VSIG10: variants seen among roughly 807,000 people sequenced by gnomAD.
VSIG10 encodes V-set and immunoglobulin domain-containing protein 10.
In VSIG10, 48 loss-of-function variants were observed where a neutral mutation model predicts 58.7. The ratio of observed to expected loss-of-function variants is 0.82; its 90% CI spans 0.65 to 1.04. The LOEUF (loss-of-function observed/expected upper bound fraction) is 1.04, where lower values mean the gene tolerates loss of function less well. Among genes scored for constraint, VSIG10 ranks in the 50% least tolerant of loss-of-function variants. The pLI, the probability that VSIG10 is intolerant of heterozygous loss-of-function variation, is 0.00. For synonymous variants in VSIG10, 260 were observed against 267.1 expected (o/e 0.97, Z 0.26); for missense variants, 628 against 670.0 (o/e 0.94, Z 0.69).
At chr12:118,096,424 C>T (rs1430662853) in intron 1 of VSIG10, among the ~76,000 whole-genome samples, 17 of 151,286 alleles carry the variant, frequency 1.1e-4, no homozygotes, top group Admixed American at 1.1e-3. Context: ...ACTAAAAATA[C>T]AAAATCAGCT....
At position 118,077,921 on chromosome 12, in the gene VSIG10, CCT is replaced by C. The variant is rs553131517; in HGVS notation, c.925+1423_925+1424del. Reference sequence around the variant, plus strand: ...AAACCATCCCCAATGCCCACTGTGCCCTCTCTGAATTCCTGACCCACAGAAAT... The same window carrying C: ...AAACCATCCCCAATGCCCACTGTGCCCTCTGAATTCCTGACCCACAGAAAT... On this transcript the variant is annotated intron_variant, in intron 4 of 8. Transcript: ENST00000359236. Among the ~76,000 whole-genome samples the C allele has an allele frequency of 1.2e-3, 186 of 152,206 alleles. 1 individual carries two copies. In the Middle Eastern group the frequency reaches 0.014, roughly 11 times the overall value.
At chr12:118,070,908 G>T in intron 7 of VSIG10, 144 bp downstream of exon 7, 2 of 972,854 alleles carry the variant, frequency 2.1e-6, no homozygotes, top group Non-Finnish European at 3.2e-6. Context: ...AAGAATACCT[G>T]ATGAAATCCC....
chr12:118,082,036 A>AAT, intron 3 of VSIG10, 91 bp downstream of exon 3: 6 of 1,301,976 alleles, frequency 4.6e-6, no homozygotes, highest in East Asian at 2.6e-5. Flanking sequence ...AAAAAAAAAA[A>AAT]AAGACAAATG....
chr12:118,095,893 T>C (rs1007485436), intron 1 of VSIG10, 79 bp from the exon 2 acceptor site: 13 of 1,435,440 alleles, frequency 9.1e-6, no homozygotes, highest in Non-Finnish European at 1.2e-5. Flanking sequence ...ACTCCTGTAT[T>C]AGGATTTTTT....
At position 118,068,023 on chromosome 12, in the gene VSIG10, C is replaced by CTTTTTTTT. The variant is rs371999216; in HGVS notation, c.1567+346_1567+353dup. Among the ~76,000 whole-genome samples, 4 of 85,500 alleles carry CTTTTTTTT rather than the reference C, an allele frequency of 4.7e-5. 1 individual carries two copies. The highest frequency in any genetic ancestry group is 1.5e-4 in the African/African-American group (3 of 20,104). The allele number at this position is 85,500 out of a possible 152,430, so 56.1% of individuals were successfully genotyped here. ...CCGCAGCAGTTCAGAGGTTTGTGGG[C>CTTTTTTTT]TTTTTTTTTTTTTTTTTTTTTTCTG... is the stretch of plus-strand genomic sequence containing the variant. On this transcript the variant is annotated intron_variant, in intron 8 of 8. Transcript: ENST00000359236.
Position 118,082,354 on chromosome 12 carries a change from C to T in VSIG10, c.437G>A (p.Gly146Asp). 1 of 1,613,940 alleles carries T rather than the reference C, an allele frequency of 6.2e-7. No individual in the cohort carries two copies. Among genetic ancestry groups the T allele is most frequent in the Non-Finnish European group, 8.5e-7 (1 of 1,179,890 alleles). Residue 146 changes from glycine to aspartate, a missense_variant, in exon 3 of 9, where the codon GGC becomes GAC. Transcript: ENST00000359236. Reference protein sequence around the residue: ...LPNGTLYAARGSQVDFSCNSS... With the variant: ...LPNGTLYAARDSQVDFSCNSS... The stretch of plus-strand genomic sequence containing the variant: ...GTTGCAGCTGAAGTCCACCTGGGAG[C>T]CCCTGGCTGCGTAGAGGGTGCCGTT...
chr12:118,086,670 G>C (rs920726272), intron 2 of VSIG10, among the ~76,000 whole-genome samples: 6 of 152,134 alleles, frequency 3.9e-5, no homozygotes, highest in African/African-American at 1.4e-4. Context: ...TGACACGGGA[G>C]GATCGCTTGA....
At position 118,071,402 on chromosome 12, in the gene VSIG10, G is replaced by A; in HGVS notation, c.1287C>T (p.Ile429=). The change falls in exon 6 of 9, where the codon ATC becomes ATT. Residue 429 remains isoleucine, a synonymous_variant. Coordinates refer to ENST00000359236, the MANE Select transcript of VSIG10 (RefSeq NM_019086.6). ...VSLLLLGLAI[I]SGLLLHYSPV... is the part of the protein sequence containing the mutation. ...GGCTATAATGCAACAGAAGCCCTGA[G>A]ATAATGGCCAGTCCCAGCAGAAGGA... 2 of 1,613,910 alleles carry A rather than the reference G, an allele frequency of 1.2e-6. No individual in the cohort carries two copies. Among genetic ancestry groups the A allele is most frequent in the Non-Finnish European group, 1.7e-6 (2 of 1,179,872 alleles).
intron 7 of VSIG10, among the ~76,000 whole-genome samples, chr12:118,070,411 G>A (rs965790236): frequency 3.3e-5 from 5 of 152,020 alleles, no homozygotes; most frequent in African/African-American, 1.2e-4. Flanking sequence ...AGCCAGGCTT[G>A]ATGGTGCGCA....
intron 3 of VSIG10, among the ~76,000 whole-genome samples, chr12:118,080,506 G>A (rs1472058071): frequency 6.6e-6 from 1 of 151,994 alleles, no homozygotes; most frequent in Non-Finnish European, 1.5e-5. Context: ...ATTTGTGTAT[G>A]GGAGTGTTTG....
chr12:118,067,970 C>A (rs752094849), intron 8 of VSIG10, among the ~76,000 whole-genome samples: 4 of 150,880 alleles, frequency 2.7e-5, no homozygotes, highest in Non-Finnish European at 5.9e-5. Context: ...TAAACTCACC[C>A]CTTAGAGATT....
At chr12:118,095,183 G>T (rs1012800622) in intron 2 of VSIG10, among the ~76,000 whole-genome samples, 1 of 151,580 alleles carries the variant, frequency 6.6e-6, no homozygotes, top group Admixed American at 6.6e-5. Context: ...GATTACAGGC[G>T]TAAGCCACCG....
intron 1 of VSIG10, among the ~76,000 whole-genome samples, chr12:118,096,875 T>C (rs988895288): frequency 1.3e-4 from 19 of 149,918 alleles, no homozygotes; most frequent in African/African-American, 4.7e-4. Flanking sequence ...CCCGTTTCTA[T>C]TAAAAATACA....
chr12:118,099,809 A>G (rs984324887), intron 1 of VSIG10, among the ~76,000 whole-genome samples: 10 of 152,196 alleles, frequency 6.6e-5, no homozygotes, highest in African/African-American at 2.2e-4. Flanking sequence ...AAGAGTAATC[A>G]TTATCTGTAT....
intron 4 of VSIG10, among the ~76,000 whole-genome samples, chr12:118,077,072 T>C (rs1036199709): frequency 6.6e-6 from 1 of 152,216 alleles, no homozygotes; most frequent in South Asian, 2.1e-4. Flanking sequence ...AATAAAGTCA[T>C]ATCCACAGGT....
intron 3 of VSIG10, among the ~76,000 whole-genome samples, chr12:118,081,113 T>C (rs1776046682): frequency 6.6e-6 from 1 of 151,846 alleles, no homozygotes; most frequent in Admixed American, 6.6e-5. Flanking sequence ...TGGTGGTACC[T>C]GCCTGTGGTC....
intron 2 of VSIG10, among the ~76,000 whole-genome samples, chr12:118,084,993 T>C (rs2137910711): frequency 6.6e-6 from 1 of 152,284 alleles, no homozygotes; most frequent in East Asian, 1.9e-4. Context: ...CACTCCAGCC[T>C]GGGCAACAGA....
intron 3 of VSIG10, 85 bp from the exon 4 acceptor site, chr12:118,079,691 G>A: frequency 6.5e-7 from 1 of 1,543,612 alleles, no homozygotes; most frequent in African/African-American, 1.4e-5. Flanking sequence ...GCAGAACCAG[G>A]GTCTCAGAGG....
intron 4 of VSIG10, among the ~76,000 whole-genome samples, chr12:118,077,939 C>A (rs186649226): frequency 6.6e-6 from 1 of 152,086 alleles, no homozygotes; most frequent in Non-Finnish European, 1.5e-5. Flanking sequence ...AATTCCTGAC[C>A]CACAGAAATC....
Sources: gnomAD v4.1 joint callset for allele counts (sites outside exome capture counted in the v4.1 genomes callset) on GRCh38, gnomAD v4.1.1 for gene constraint, MANE v1.5 for transcripts, NCBI Gene and HGNC (gene_info 2026-07-23, HGNC 2026-07-21) for gene names.